SUGCT: variants seen among roughly 807,000 people sequenced by gnomAD.
SUGCT encodes succinyl-CoA:glutarate CoA-transferase.
SUGCT carries 41 observed loss-of-function variants against 55.0 expected under a neutral mutation model. The observed-to-expected ratio is 0.74, with a 90% CI of 0.58 to 0.97. The LOEUF is 0.97. Ranked by LOEUF, SUGCT falls within the 50% of genes least tolerant of loss-of-function variation. SUGCT has a pLI of 0.00. For missense variants in SUGCT, 568 were observed against 547.8 expected, an observed-to-expected ratio of 1.04 and a Z score of -0.37; for synonymous variants, 187 against 200.4, an observed-to-expected ratio of 0.93 and a Z score of 0.56.
At chr7:40,954,158 C>A in the SUGCT span, among the ~76,000 whole-genome samples, 2 of 152,198 alleles carry the variant, frequency 1.3e-5, no homozygotes, top group Admixed American at 1.3e-4. Context: ...ATGGCGGGTG[C>A]CCCTCCCCCA....
At chr7:40,158,432 T>A (rs1442103244) in intron 1 of SUGCT, among the ~76,000 whole-genome samples, 1 of 152,184 alleles carries the variant, frequency 6.6e-6, no homozygotes, top group African/African-American at 2.4e-5. Context: ...GTTTTCTAGA[T>A]ACAAGACTAA....
At chr7:40,945,846 C>T in the SUGCT span, among the ~76,000 whole-genome samples, 1 of 152,130 alleles carries the variant, frequency 6.6e-6, no homozygotes, top group Non-Finnish European at 1.5e-5. Context: ...ACACTACACT[C>T]CAGGCTGGTG....
At chr7:40,686,945 T>C (rs191651976) in intron 12 of SUGCT, among the ~76,000 whole-genome samples, 1 of 152,106 alleles carries the variant, frequency 6.6e-6, no homozygotes, top group Admixed American at 6.6e-5. Context: ...TTTTCAGTGT[T>C]ACCCTGCACA....
At chr7:40,656,105 A>G (rs1450957879) in intron 12 of SUGCT, among the ~76,000 whole-genome samples, 2 of 152,166 alleles carry the variant, frequency 1.3e-5, no homozygotes, top group Non-Finnish European at 2.9e-5. Flanking sequence ...TCTCTTTAAG[A>G]TAAGAATGAT....
At chr7:40,295,665 T>C (rs1794088799) in intron 8 of SUGCT, among the ~76,000 whole-genome samples, 1 of 152,206 alleles carries the variant, frequency 6.6e-6, no homozygotes, top group African/African-American at 2.4e-5. Flanking sequence ...TATTTTCTTT[T>C]AGTGGTATAA....
intron 13 of SUGCT, among the ~76,000 whole-genome samples, chr7:40,830,124 C>A (rs1019956906): frequency 6.6e-6 from 1 of 152,142 alleles, no homozygotes; most frequent in Non-Finnish European, 1.5e-5. Context: ...ATCTGTGTCC[C>A]CAACTGCCAC....
chr7:40,300,741 A>G (rs1794480585), intron 8 of SUGCT, among the ~76,000 whole-genome samples: 1 of 152,220 alleles, frequency 6.6e-6, no homozygotes, highest in South Asian at 2.1e-4. Flanking sequence ...AAAGCCATCC[A>G]GTTTGTGCCA....
At chr7:40,171,119 T>C (rs970840422) in intron 1 of SUGCT, among the ~76,000 whole-genome samples, 1 of 152,248 alleles carries the variant, frequency 6.6e-6, no homozygotes, top group African/African-American at 2.4e-5. Flanking sequence ...TTGTCCTTCT[T>C]TCCTTTGTAG....
At chr7:40,327,080 G>A (rs901081981) in intron 9 of SUGCT, among the ~76,000 whole-genome samples, 1 of 152,158 alleles carries the variant, frequency 6.6e-6, no homozygotes, top group African/African-American at 2.4e-5. Flanking sequence ...TGATTAATTA[G>A]CACTGATGAG....
chr7:40,185,907 A>C (rs554725672), intron 3 of SUGCT, among the ~76,000 whole-genome samples: 1 of 152,180 alleles, frequency 6.6e-6, no homozygotes, highest in East Asian at 1.9e-4. Context: ...TTATATATTT[A>C]ATTGTTTTGG....
chr7:40,882,964 A>G, the SUGCT span, among the ~76,000 whole-genome samples: 1 of 152,152 alleles, frequency 6.6e-6, no homozygotes, highest in Non-Finnish European at 1.5e-5. Context: ...CTATGCTTCT[A>G]GTATATGTGG....
intron 9 of SUGCT, among the ~76,000 whole-genome samples, chr7:40,337,493 A>G (rs866603194): frequency 6.6e-6 from 1 of 152,004 alleles, no homozygotes; most frequent in Non-Finnish European, 1.5e-5. Flanking sequence ...ATCCCTTTAC[A>G]ATTATGTAAT....
chr7:40,234,068 C>T (rs1311919379), intron 6 of SUGCT, among the ~76,000 whole-genome samples: 1 of 152,112 alleles, frequency 6.6e-6, no homozygotes, highest in Non-Finnish European at 1.5e-5. Flanking sequence ...TTGTTCTAAG[C>T]TGAACAAAAA....
chr7:40,723,479 C>T lies in SUGCT; in HGVS notation c.1090-25955C>T, dbSNP rs145873471. On this transcript the variant is annotated intron_variant, in intron 12 of 13. Coordinates refer to ENST00000335693, the MANE Select transcript of SUGCT (RefSeq NM_001193313.2). ...TATTTCCAGAAATATACAAAATGCACGAATTCCTCAACCGATAATGCAGCA... is the reference window on the plus strand; with the variant it reads ...TATTTCCAGAAATATACAAAATGCATGAATTCCTCAACCGATAATGCAGCA... Among the ~76,000 whole-genome samples, 138 of 152,200 alleles carry T rather than the reference C, an allele frequency of 9.1e-4. 1 individual carries two copies. In the East Asian group the frequency reaches 0.014, roughly 15 times the overall value.
intron 9 of SUGCT, among the ~76,000 whole-genome samples, chr7:40,368,195 GA>G (rs1342322207): frequency 2.6e-5 from 4 of 151,974 alleles, no homozygotes; most frequent in Admixed American, 2.6e-4. Flanking sequence ...TTTATTTTGT[GA>G]TTATTTATTT....
intron 12 of SUGCT, among the ~76,000 whole-genome samples, chr7:40,591,042 A>G (rs1485108391): frequency 6.6e-6 from 1 of 152,208 alleles, no homozygotes; most frequent in Non-Finnish European, 1.5e-5. Flanking sequence ...CAGCCCATGG[A>G]TCAAGGAGCA....
At chr7:40,331,813 G>C (rs1276847579) in intron 9 of SUGCT, among the ~76,000 whole-genome samples, 1 of 152,200 alleles carries the variant, frequency 6.6e-6, no homozygotes, top group Non-Finnish European at 1.5e-5. Context: ...TCCTAGAACA[G>C]TAACTGGGAG....
chr7:40,159,524 C>T (rs923147493), intron 1 of SUGCT, among the ~76,000 whole-genome samples: 3 of 152,120 alleles, frequency 2.0e-5, no homozygotes, highest in African/African-American at 4.8e-5. Flanking sequence ...GCACGCACCA[C>T]CACGCCTGGC....
the SUGCT span, among the ~76,000 whole-genome samples, chr7:40,950,672 G>A: frequency 6.6e-6 from 1 of 152,182 alleles, no homozygotes; most frequent in Non-Finnish European, 1.5e-5. Flanking sequence ...ATGAAGGGCT[G>A]TTGAATTTCG....
Sources: gnomAD v4.1 joint callset for allele counts (sites outside exome capture counted in the v4.1 genomes callset) on GRCh38, gnomAD v4.1.1 for gene constraint, MANE v1.5 for transcripts, NCBI Gene and HGNC (gene_info 2026-07-23, HGNC 2026-07-21) for gene names.